The following NBEA variants were observed in gnomAD, a reference collection of about 807,000 sequenced individuals.
The protein encoded by NBEA is lysosomal-trafficking regulator 2.
A neutral mutation model predicts 343.4 loss-of-function variants in NBEA; 44 were observed. The ratio of observed to expected loss-of-function variants is 0.13; its 90% CI spans 0.10 to 0.16. The LOEUF is 0.16. Among genes scored for constraint, NBEA ranks in the 10% least tolerant of loss-of-function variants. NBEA has a pLI of 1.00. For missense variants in NBEA, 2,555 were observed against 3,631.3 expected, an observed-to-expected ratio of 0.70 and a Z score of 7.62; for synonymous variants, 1,175 against 1,238.7, an observed-to-expected ratio of 0.95 and a Z score of 1.08.
intron 36 of NBEA, among the ~76,000 whole-genome samples, chr13:35,310,805 G>A (rs566401573): frequency 1.6e-4 from 25 of 152,230 alleles, no homozygotes; most frequent in African/African-American, 5.8e-4. Flanking sequence ...AGGAAATAAT[G>A]CTTACTGTAT....
intron 38 of NBEA, among the ~76,000 whole-genome samples, chr13:35,403,211 G>T (rs2043078729): frequency 6.6e-6 from 1 of 151,724 alleles, no homozygotes; most frequent in Non-Finnish European, 1.5e-5. Context: ...ACTTAAAATT[G>T]TATTTAAATA....
chr13:35,356,944 C>T (rs1324720242), intron 38 of NBEA, among the ~76,000 whole-genome samples: 1 of 152,138 alleles, frequency 6.6e-6, no homozygotes, highest in Non-Finnish European at 1.5e-5. Flanking sequence ...CCCTTCATCA[C>T]TCCCTAAATT....
intron 39 of NBEA, among the ~76,000 whole-genome samples, chr13:35,436,752 C>T (rs1295506321): frequency 6.7e-6 from 1 of 149,756 alleles, no homozygotes; most frequent in Non-Finnish European, 1.5e-5. Context: ...TAAGTGCTAA[C>T]TGTGTAGAAT....
At chr13:35,413,613 A>G (rs550547167) in intron 38 of NBEA, among the ~76,000 whole-genome samples, 2 of 152,192 alleles carry the variant, frequency 1.3e-5, no homozygotes, top group Non-Finnish European at 2.9e-5. Context: ...GAGTACCTAA[A>G]CCCTATTTAT....
intron 48 of NBEA, among the ~76,000 whole-genome samples, chr13:35,621,838 A>G (rs1013994584): frequency 1.8e-4 from 27 of 152,232 alleles, no homozygotes; most frequent in Non-Finnish European, 3.7e-4. Context: ...AATGCAAGAT[A>G]AGAATTAGAT....
intron 53 of NBEA, among the ~76,000 whole-genome samples, chr13:35,652,436 C>T (rs1367547003): frequency 1.3e-5 from 2 of 150,850 alleles, no homozygotes; most frequent in South Asian, 2.1e-4. Context: ...GTCAGGAGAT[C>T]GAGACCATCC....
intron 34 of NBEA, among the ~76,000 whole-genome samples, chr13:35,266,540 G>A (rs2033696630): frequency 6.6e-6 from 1 of 151,728 alleles, no homozygotes; most frequent in Non-Finnish European, 1.5e-5. Flanking sequence ...GCAACAGCAT[G>A]GAAGAACCTG....
At chr13:35,090,600 A>T (rs1382727624) in intron 10 of NBEA, among the ~76,000 whole-genome samples, 1 of 151,908 alleles carries the variant, frequency 6.6e-6, no homozygotes, top group African/African-American at 2.4e-5. Context: ...GTGATGCTAT[A>T]TGCCAATATC....
At chr13:35,131,207 T>C (rs1220960209) in intron 17 of NBEA, among the ~76,000 whole-genome samples, 1 of 152,116 alleles carries the variant, frequency 6.6e-6, no homozygotes, top group East Asian at 1.9e-4. Context: ...TTTCCATGAC[T>C]AGCTAAAGAA....
chr13:35,111,547 T>C (rs188074506), intron 13 of NBEA, among the ~76,000 whole-genome samples: 230 of 152,200 alleles, frequency 1.5e-3, no homozygotes, highest in African/African-American at 5.4e-3. Context: ...TCTCATTGCA[T>C]ACATATATAA....
At chr13:35,267,951 T>A (rs1005891234) in intron 34 of NBEA, among the ~76,000 whole-genome samples, 1 of 152,030 alleles carries the variant, frequency 6.6e-6, no homozygotes, top group African/African-American at 2.4e-5. Context: ...AGTGTGGTCG[T>A]TCCTAAAAAA....
intron 25 of NBEA, among the ~76,000 whole-genome samples, 167 bp downstream of exon 25, chr13:35,169,162 G>A (rs2065935): frequency 0.028 from 4,275 of 151,414 alleles, 91 homozygotes; most frequent in South Asian, 0.075. Flanking sequence ...TTTTCCCAAT[G>A]CATTGATGTA....
chr13:34,957,854 T>C (rs988631259), intron 1 of NBEA, among the ~76,000 whole-genome samples: 1 of 152,184 alleles, frequency 6.6e-6, no homozygotes, highest in Admixed American at 6.5e-5. Flanking sequence ...GATATATTTA[T>C]AACTCTTTTG....
At chr13:34,951,926 CATT>C (rs1220612365) in intron 1 of NBEA, among the ~76,000 whole-genome samples, 1 of 152,222 alleles carries the variant, frequency 6.6e-6, no homozygotes, top group Admixed American at 6.5e-5. Flanking sequence ...TAGAAACTAA[CATT>C]AGCCTATAGT....
intron 41 of NBEA, among the ~76,000 whole-genome samples, chr13:35,502,748 T>G (rs1489179487): frequency 1.3e-5 from 2 of 152,076 alleles, no homozygotes; most frequent in Non-Finnish European, 2.9e-5. Context: ...ACCAGCTTGT[T>G]TAGCAGCACA....
At chr13:35,086,068 T>G (rs906638239) in intron 10 of NBEA, among the ~76,000 whole-genome samples, 4 of 151,874 alleles carry the variant, frequency 2.6e-5, no homozygotes, top group East Asian at 3.9e-4. Flanking sequence ...CACTGCTCAA[T>G]GAAATAAAAG....
intron 1 of NBEA, among the ~76,000 whole-genome samples, chr13:34,954,854 T>C (rs1307465645): frequency 2.0e-5 from 3 of 152,212 alleles, no homozygotes; most frequent in Non-Finnish European, 4.4e-5. Flanking sequence ...GATGCAACCA[T>C]CTATTTTTTA....
chr13:35,155,939 A>T, intron 19 of NBEA, 84 bp downstream of exon 19: 2 of 1,498,922 alleles, frequency 1.3e-6, no homozygotes, highest in Non-Finnish European at 1.9e-6. Flanking sequence ...CTAACCCCTT[A>T]AATCATTATG....
At chr13:35,548,545 G>A (rs1222227928) in intron 41 of NBEA, among the ~76,000 whole-genome samples, 1 of 152,116 alleles carries the variant, frequency 6.6e-6, no homozygotes, top group African/African-American at 2.4e-5. Context: ...GCTTTCATGG[G>A]AAGATCTATC....
Sources: allele counts gnomAD v4.1 joint callset (sites outside exome capture counted in the v4.1 genomes callset), GRCh38; gene constraint gnomAD v4.1.1; transcripts MANE v1.5; gene names NCBI Gene and HGNC (gene_info 2026-07-23, HGNC 2026-07-21).